The following CHST9 variants were observed in gnomAD, a reference collection of about 807,000 sequenced individuals.
CHST9 encodes carbohydrate sulfotransferase 9.
In CHST9, 41 loss-of-function variants were observed where a neutral mutation model predicts 44.4. That is an observed-to-expected ratio of 0.92 (90% CI 0.72 to 1.20). CHST9 has a LOEUF of 1.20. CHST9 is among the 50% of genes most tolerant of loss of function. The probability of loss-of-function intolerance (pLI) is 0.00; values close to 1 mark genes in which losing one functional copy is unlikely to be tolerated. For missense variants in CHST9, 504 were observed against 516.5 expected (o/e 0.98, Z 0.23); for synonymous variants, 171 against 178.4 (o/e 0.96, Z 0.33).
At chr18:27,034,115 T>C (rs1415174339) in intron 3 of CHST9, among the ~76,000 whole-genome samples, 1 of 152,200 alleles carries the variant, frequency 6.6e-6, no homozygotes, top group Non-Finnish European at 1.5e-5. Context: ...CATTTCAAAT[T>C]TAAGATAAAT....
At chr18:26,936,467 G>C (rs2055994388) in intron 5 of CHST9, 1 of 152,044 alleles carries the variant, frequency 6.6e-6, no homozygotes, top group Non-Finnish European at 1.5e-5. Flanking sequence ...ATGACAAGTG[G>C]GCTCTGTGGC....
At chr18:27,102,735 G>T (rs2058186146) in intron 2 of CHST9, among the ~76,000 whole-genome samples, 2 of 152,116 alleles carry the variant, frequency 1.3e-5, no homozygotes, top group South Asian at 4.1e-4. Context: ...TCCCTCACAG[G>T]CAGGTTCTCA....
At chr18:27,086,970 T>G (rs1019170687) in intron 2 of CHST9, among the ~76,000 whole-genome samples, 1 of 152,042 alleles carries the variant, frequency 6.6e-6, no homozygotes, top group East Asian at 1.9e-4. Context: ...GAAACAGAAA[T>G]AAGTACCCTA....
At chr18:27,133,107 A>C (rs1251526528) in intron 2 of CHST9, among the ~76,000 whole-genome samples, 1 of 152,212 alleles carries the variant, frequency 6.6e-6, no homozygotes, top group African/African-American at 2.4e-5. Context: ...TGTGTGGTAC[A>C]CTAGGAATAA....
chr18:27,034,330 T>A (rs2057370183), intron 3 of CHST9, among the ~76,000 whole-genome samples: 1 of 152,144 alleles, frequency 6.6e-6, no homozygotes, highest in Non-Finnish European at 1.5e-5. Context: ...TCTGACAGCA[T>A]CTCATTATTT....
rs902508841 is a variant in CHST9 at position 26,907,292 on chromosome 18, T to C, written c.*8967A>G. The stretch of plus-strand genomic sequence containing the variant: ...CGGGGTTGACTTCTAGGTTCCTAAC[T>C]CAGAAGATGGAGTAGATGGATGGTG... On this transcript the variant is annotated 3_prime_UTR_variant, in exon 6 of 6. Coordinates refer to ENST00000618847, the MANE Select transcript of CHST9 (RefSeq NM_031422.6). 1 of 152,558 alleles carries C rather than the reference T, an allele frequency of 6.6e-6. No homozygotes were observed. Among genetic ancestry groups the C allele is most frequent in the African/African-American group, 2.4e-5 (1 of 41,414 alleles). 9.5% of individuals were successfully genotyped at this position (152,558 alleles called of 1,614,324 possible). A position where few individuals can be genotyped will look rare whatever the true frequency, so the allele number is the denominator to read the frequency against.
At chr18:27,143,633 A>G (rs537339784) in intron 1 of CHST9, among the ~76,000 whole-genome samples, 1 of 152,052 alleles carries the variant, frequency 6.6e-6, no homozygotes, top group South Asian at 2.1e-4. Context: ...TGAGAATCTG[A>G]TGAAAATGTG....
intron 2 of CHST9, among the ~76,000 whole-genome samples, chr18:27,060,244 G>A (rs1046073228): frequency 1.3e-5 from 2 of 152,186 alleles, no homozygotes; most frequent in African/African-American, 2.4e-5. Flanking sequence ...GTGGACTGGT[G>A]CAACTGCTAG....
chr18:26,941,360 T>C (rs1484279547), intron 5 of CHST9, among the ~76,000 whole-genome samples: 1 of 152,238 alleles, frequency 6.6e-6, no homozygotes, highest in East Asian at 1.9e-4. Context: ...AATTATCTGC[T>C]ATATAAAAAG....
intron 2 of CHST9, among the ~76,000 whole-genome samples, chr18:27,111,101 G>A (rs1309638993): frequency 2.0e-5 from 3 of 152,186 alleles, no homozygotes; most frequent in African/African-American, 7.2e-5. Flanking sequence ...CAAAGAACAG[G>A]GCTCCCTGAT....
intron 2 of CHST9, among the ~76,000 whole-genome samples, chr18:27,129,272 A>G (rs1012403214): frequency 6.6e-6 from 1 of 152,150 alleles, no homozygotes; most frequent in Non-Finnish European, 1.5e-5. Context: ...TTTTATTTTC[A>G]AGTTTTATAC....
At chr18:27,125,918 A>G (rs2058418778) in intron 2 of CHST9, among the ~76,000 whole-genome samples, 3 of 152,252 alleles carry the variant, frequency 2.0e-5, no homozygotes, top group African/African-American at 7.2e-5. Flanking sequence ...AAAGGGTAAC[A>G]TGGAGAAAAT....
chr18:27,123,483 T>C (rs915247549), intron 2 of CHST9, among the ~76,000 whole-genome samples: 3 of 152,002 alleles, frequency 2.0e-5, no homozygotes, highest in Non-Finnish European at 4.4e-5. Context: ...CATTTATAGA[T>C]AAAAAATAGT....
chr18:26,945,627 G>C (rs1482862755), intron 4 of CHST9, among the ~76,000 whole-genome samples: 2 of 152,150 alleles, frequency 1.3e-5, no homozygotes, highest in African/African-American at 4.8e-5. Flanking sequence ...GATATATTCT[G>C]TGGTATGGAT....
intron 5 of CHST9, among the ~76,000 whole-genome samples, chr18:26,943,405 G>A (rs2056113942): frequency 6.6e-6 from 1 of 152,198 alleles, no homozygotes; most frequent in Admixed American, 6.5e-5. Context: ...ATAGGAACTA[G>A]AATTGGAATT....
intron 2 of CHST9, among the ~76,000 whole-genome samples, chr18:27,125,988 ATTGTAT>A (rs2058419609): frequency 6.6e-6 from 1 of 152,214 alleles, no homozygotes; most frequent in Admixed American, 6.5e-5. Flanking sequence ...TGAATAGTAA[ATTGTAT>A]TTATTACAGA....
intron 4 of CHST9, among the ~76,000 whole-genome samples, chr18:26,980,071 T>A (rs2056673145): frequency 6.6e-6 from 1 of 152,164 alleles, no homozygotes; most frequent in Non-Finnish European, 1.5e-5. Flanking sequence ...TCATCAAGAC[T>A]ACATTAAGAC....
rs527248419 is a variant in CHST9, at chr18:27,168,435, G to C, written c.-97+16701C>G. ...GAGGAATACACTGAGAGACAAAGAAGCTAATTAGGAAGGAGGCTGTTTTAA... is the reference window on the plus strand; with the variant it reads ...GAGGAATACACTGAGAGACAAAGAACCTAATTAGGAAGGAGGCTGTTTTAA... On this transcript the variant is annotated intron_variant, in intron 1 of 5. Transcript: ENST00000618847. Among the ~76,000 whole-genome samples the C allele has an allele frequency of 1.4e-4, 21 of 152,282 alleles. No homozygotes were observed. The East Asian group carries it at 3.3e-3, about 24-fold the overall frequency.
intron 4 of CHST9, among the ~76,000 whole-genome samples, chr18:26,973,087 C>T (rs2056572506): frequency 6.6e-6 from 1 of 152,138 alleles, no homozygotes; most frequent in African/African-American, 2.4e-5. Context: ...GCTCAAATGT[C>T]TCCCGTTGGA....
Sources: gnomAD v4.1 joint callset for allele counts (sites outside exome capture counted in the v4.1 genomes callset) on GRCh38, gnomAD v4.1.1 for gene constraint, MANE v1.5 for transcripts, NCBI Gene and HGNC (gene_info 2026-07-23, HGNC 2026-07-21) for gene names.